Variants in CTTNBP2 observed in about 807,000 individuals in gnomAD.
CTTNBP2 encodes the protein cortactin-binding protein 2.
Under a neutral mutation model 156.9 loss-of-function variants are expected in CTTNBP2, and 108 were observed. The observed-to-expected ratio is 0.69, with a 90% confidence interval of 0.59 to 0.81. CTTNBP2 has a LOEUF of 0.81. Among genes scored for constraint, CTTNBP2 ranks in the 30% least tolerant of loss-of-function variants. The pLI, the probability that CTTNBP2 is intolerant of heterozygous loss-of-function variation, is 0.00. For synonymous variants in CTTNBP2, 767 were observed against 751.8 expected (o/e 1.02, Z -0.33); for missense variants, 1,924 against 2,035.4 (o/e 0.95, Z 1.05).
chr7:117,837,207 G>A (rs1048827076), intron 2 of CTTNBP2, among the ~76,000 whole-genome samples: 3 of 152,164 alleles, frequency 2.0e-5, no homozygotes, highest in Non-Finnish European at 4.4e-5. Flanking sequence ...CTCTTAGGAG[G>A]TATTCTGTCA....
intron 5 of CTTNBP2, among the ~76,000 whole-genome samples, chr7:117,783,509 G>A (rs535856888): frequency 2.0e-5 from 3 of 152,238 alleles, no homozygotes; most frequent in African/African-American, 7.2e-5. Flanking sequence ...ATATCACCTA[G>A]ATGTCACATT....
At chr7:117,813,183 G>A (rs1800387906) in intron 2 of CTTNBP2, among the ~76,000 whole-genome samples, 1 of 152,158 alleles carries the variant, frequency 6.6e-6, no homozygotes, top group African/African-American at 2.4e-5. Context: ...TTCCCATGAA[G>A]TGCCTGGTGA....
At chr7:117,781,754 A>C (rs1295657462) in intron 6 of CTTNBP2, among the ~76,000 whole-genome samples, 1 of 152,190 alleles carries the variant, frequency 6.6e-6, no homozygotes, top group Non-Finnish European at 1.5e-5. Context: ...GAAAGAAAAA[A>C]ATCCATCCCC....
At chr7:117,836,240 T>C (rs570956754) in intron 2 of CTTNBP2, among the ~76,000 whole-genome samples, 1 of 152,260 alleles carries the variant, frequency 6.6e-6, no homozygotes, top group South Asian at 2.1e-4. Context: ...GCATTTCATG[T>C]CCCCTTCCAC....
intron 2 of CTTNBP2, among the ~76,000 whole-genome samples, chr7:117,815,020 G>C (rs528538128): frequency 6.6e-6 from 1 of 152,172 alleles, no homozygotes; most frequent in Non-Finnish European, 1.5e-5. Context: ...AAGACCACGT[G>C]TTCTTCATTA....
intron 2 of CTTNBP2, among the ~76,000 whole-genome samples, chr7:117,811,874 AATTAAAATTTTAAT>A (rs1182720756): frequency 1.5e-5 from 2 of 132,734 alleles, no homozygotes; most frequent in African/African-American, 3.1e-5. Flanking sequence ...ATTTTAATTA[AATTAAAATTTTAAT>A]GTAAAAATTT....
At chr7:117,785,742 A>C (rs1039256977) in intron 4 of CTTNBP2, among the ~76,000 whole-genome samples, 7 of 152,194 alleles carry the variant, frequency 4.6e-5, no homozygotes, top group African/African-American at 1.7e-4. Flanking sequence ...ATCCACTACC[A>C]CCTGTAAAAG....
chr7:117,748,747 T>A (rs1469078942), intron 12 of CTTNBP2, among the ~76,000 whole-genome samples: 1 of 152,200 alleles, frequency 6.6e-6, no homozygotes, highest in Non-Finnish European at 1.5e-5. Flanking sequence ...GTAGACAACA[T>A]AATTTTCCAA....
intron 9 of CTTNBP2, among the ~76,000 whole-genome samples, chr7:117,763,847 A>T (rs2116675968): frequency 6.6e-6 from 1 of 152,260 alleles, no homozygotes; most frequent in Non-Finnish European, 1.5e-5. Flanking sequence ...CTGGGATTAC[A>T]GGCATGAGCC....
chr7:117,868,988 C>T (rs1200499429), intron 1 of CTTNBP2, among the ~76,000 whole-genome samples: 1 of 152,200 alleles, frequency 6.6e-6, no homozygotes, highest in Non-Finnish European at 1.5e-5. Flanking sequence ...TCTTAACCCC[C>T]TATCAATCAT....
intron 8 of CTTNBP2, among the ~76,000 whole-genome samples, chr7:117,775,146 T>C (rs1285639991): frequency 3.9e-5 from 6 of 152,172 alleles, no homozygotes; most frequent in Non-Finnish European, 1.5e-5. Flanking sequence ...AATCATAAAA[T>C]GGAGAGGTTA....
At chr7:117,859,447 T>C (rs1273376920) in intron 2 of CTTNBP2, among the ~76,000 whole-genome samples, 1 of 152,142 alleles carries the variant, frequency 6.6e-6, no homozygotes, top group Non-Finnish European at 1.5e-5. Context: ...ATGTGAGTAG[T>C]GGGGAATTCC....
chr7:117,846,743 C>T (rs916223672), intron 2 of CTTNBP2, among the ~76,000 whole-genome samples: 7 of 152,118 alleles, frequency 4.6e-5, no homozygotes, highest in African/African-American at 7.2e-5. Context: ...TTAAAAGTTG[C>T]TCCATTATTA....
At chr7:117,870,995 T>C (rs745605844) in intron 1 of CTTNBP2, among the ~76,000 whole-genome samples, 1 of 152,230 alleles carries the variant, frequency 6.6e-6, no homozygotes, top group Non-Finnish European at 1.5e-5. Flanking sequence ...CAAAGCTTAG[T>C]GAAAACACTC....
intron 7 of CTTNBP2, among the ~76,000 whole-genome samples, chr7:117,779,127 C>T (rs1296252844): frequency 6.6e-6 from 1 of 152,094 alleles, no homozygotes; most frequent in Non-Finnish European, 1.5e-5. Flanking sequence ...TTGGCTAAGA[C>T]AAGACTATGG....
chr7:117,802,506 C>G (rs1336622950), intron 3 of CTTNBP2, among the ~76,000 whole-genome samples: 1 of 149,278 alleles, frequency 6.7e-6, no homozygotes, highest in African/African-American at 2.4e-5. Flanking sequence ...GCTAAGACCT[C>G]GAAAGCAATC....
intron 12 of CTTNBP2, among the ~76,000 whole-genome samples, chr7:117,748,508 C>A (rs983453241): frequency 3.3e-5 from 5 of 152,112 alleles, no homozygotes; most frequent in Admixed American, 2.6e-4. Flanking sequence ...ATAGCTCTGT[C>A]TTCTTTTGCA....
At chr7:117,800,979 G>A (rs1264334227) in intron 3 of CTTNBP2, among the ~76,000 whole-genome samples, 1 of 152,086 alleles carries the variant, frequency 6.6e-6, no homozygotes, top group East Asian at 1.9e-4. Context: ...AAAAAATGAT[G>A]AGAATATATA....
chr7:117,767,202 T>C, intron 8 of CTTNBP2, 26 bp from the exon 9 acceptor site: 3 of 1,257,616 alleles, frequency 2.4e-6, no homozygotes, highest in South Asian at 1.2e-5. Flanking sequence ...CTCTATTACC[T>C]CCAAGTCCAA....
Sources: gnomAD v4.1 joint callset for allele counts (sites outside exome capture counted in the v4.1 genomes callset) on GRCh38, gnomAD v4.1.1 for gene constraint, MANE v1.5 for transcripts, NCBI Gene and HGNC (gene_info 2026-07-23, HGNC 2026-07-21) for gene names.